Variants in ZNF407 observed in about 807,000 individuals in gnomAD.
ZNF407 encodes the protein zinc finger protein 407.
In ZNF407, 17 loss-of-function variants were observed where a neutral mutation model predicts 131.2. The ratio of observed to expected loss-of-function variants is 0.13; its 90% confidence interval spans 0.09 to 0.19. ZNF407 has a LOEUF of 0.19. Among genes scored for constraint, ZNF407 ranks in the 10% least tolerant of loss-of-function variants. ZNF407 has a pLI of 1.00. For synonymous variants in ZNF407, 1,156 were observed against 1,062.0 expected (o/e 1.09, Z -1.72); for missense variants, 2,681 against 2,830.6 (o/e 0.95, Z 1.20).
chr18:74,934,799 C>G (rs1354956842), intron 8 of ZNF407, among the ~76,000 whole-genome samples: 3 of 152,132 alleles, frequency 2.0e-5, no homozygotes, highest in Non-Finnish European at 4.4e-5. Context: ...GAGCGAGACT[C>G]GGTCTCAAAA....
chr18:74,944,186 G>C (rs1568278497), intron 8 of ZNF407, among the ~76,000 whole-genome samples: 1 of 152,056 alleles, frequency 6.6e-6, no homozygotes, highest in Non-Finnish European at 1.5e-5. Flanking sequence ...AAGCTTACTA[G>C]CTTTTATGTT....
chr18:74,613,291 G>T (rs1983144871), intron 1 of ZNF407, among the ~76,000 whole-genome samples: 1 of 151,690 alleles, frequency 6.6e-6, no homozygotes, highest in South Asian at 2.1e-4. Context: ...TATATTATGG[G>T]ACTTTTTCTT....
In ZNF407 at chr18:74,811,651, T is replaced by A. The variant is rs980916323; in HGVS notation, c.4877+30149T>A. 1.6e-4 allele frequency among the ~76,000 whole-genome samples: 25 copies of A among 151,614 alleles called. No homozygotes were observed. In the Middle Eastern group the frequency reaches 0.014, roughly 83 times the overall value. On this transcript the variant is annotated intron_variant, in intron 4 of 8. Coordinates refer to ENST00000299687, the MANE Select transcript of ZNF407 (RefSeq NM_017757.3). ...AATGTCCAACAATGATAGACTGGAT[T>A]AAGAAAATGTGGCACATATACACCA...
intron 7 of ZNF407, among the ~76,000 whole-genome samples, chr18:74,890,976 G>A (rs1002194028): frequency 2.0e-5 from 3 of 152,224 alleles, no homozygotes; most frequent in African/African-American, 4.8e-5. Context: ...ACTTGCATCC[G>A]CAGTGGCTGA....
chr18:74,999,359 A>C (rs1487427437), intron 8 of ZNF407, among the ~76,000 whole-genome samples: 5 of 145,120 alleles, frequency 3.4e-5, no homozygotes, highest in African/African-American at 1.1e-4. Context: ...AAAAAAAAAA[A>C]AAAAAAAAAA....
rs186614692 is a variant in ZNF407 at position 74,982,296 on chromosome 18, G to A, written c.5428+61604G>A. Among the ~76,000 whole-genome samples the A allele has an allele frequency of 2.2e-3, 332 of 152,212 alleles. 2 individuals are homozygous for A. The highest frequency in any genetic ancestry group is 0.014 in the South Asian group (66 of 4,826). On this transcript the variant is annotated intron_variant, in intron 8 of 8. Coordinates refer to ENST00000299687, the MANE Select transcript of ZNF407 (RefSeq NM_017757.3). ...TGAAGACAATCTAACCTTAAAGCCC[G>A]TTATTGAAAATACCTCCACTGGTAA...
chr18:74,693,129 G>T (rs1967268935), intron 3 of ZNF407, among the ~76,000 whole-genome samples: 1 of 152,154 alleles, frequency 6.6e-6, no homozygotes, highest in Admixed American at 6.6e-5. Flanking sequence ...TTGTGCAGTG[G>T]CTGCACTTTC....
rs1984403683 is a variant in ZNF407, at chr18:74,635,277, G to T, written c.4258G>T (p.Gly1420Cys). Residue 1420 changes from glycine to cysteine, a missense_variant, in exon 2 of 9, where the codon GGC becomes TGC. Physicochemically the swap from Gly to Cys is radical, Grantham distance 159. Coordinates refer to ENST00000299687, the MANE Select transcript of ZNF407 (RefSeq NM_017757.3). The surrounding 1 kb of genome is among the most constrained non-coding windows in gnomAD (Gnocchi z 4.7). Reference sequence around the variant, plus strand: ...TACACGAATTCGCTGTGATGATTGTGGCTTCTTAGCAGATGGACTGAGTGG... The same window carrying T: ...TACACGAATTCGCTGTGATGATTGTTGCTTCTTAGCAGATGGACTGAGTGG... Reference protein sequence around the residue: ...ESTRIRCDDCGFLADGLSGLN... With the variant: ...ESTRIRCDDCCFLADGLSGLN... 1 of 1,613,914 alleles carries T rather than the reference G, an allele frequency of 6.2e-7. No individual in the cohort carries two copies. The highest frequency in any genetic ancestry group is 8.5e-7 in the Non-Finnish European group (1 of 1,179,912).
Position 75,064,635 on chromosome 18 carries a change from G to A in ZNF407, c.*167G>A. ...GAGAGTCACACTGGCCACCAGCCAG[G>A]CGCCCACAGAGGGTACCGTGGGCTG... On this transcript the variant is annotated 3_prime_UTR_variant, in exon 9 of 9. Coordinates refer to ENST00000299687, the MANE Select transcript of ZNF407 (RefSeq NM_017757.3). 3.1e-6 allele frequency: 2 copies of A among 642,578 alleles called. No homozygotes were observed. The highest frequency in any genetic ancestry group is 7.4e-5 in the South Asian group (2 of 27,000). 39.8% of individuals were successfully genotyped at this position (642,578 alleles called of 1,614,324 possible).
chr18:74,821,196 G>A (rs1245730401), intron 4 of ZNF407, among the ~76,000 whole-genome samples: 3 of 151,674 alleles, frequency 2.0e-5, no homozygotes, highest in Non-Finnish European at 4.4e-5. Context: ...AGTTACTTTT[G>A]CACCAACCTA....
intron 3 of ZNF407, among the ~76,000 whole-genome samples, chr18:74,701,871 T>C (rs1222338938): frequency 2.0e-5 from 3 of 152,212 alleles, no homozygotes; most frequent in Non-Finnish European, 4.4e-5. Flanking sequence ...GAAATCGATT[T>C]CATAAGCCCT....
chr18:74,980,364 A>G lies in ZNF407; in HGVS notation c.5428+59672A>G, dbSNP rs139133125. Among the ~76,000 whole-genome samples, 1,265 of 151,322 alleles carry G rather than the reference A, an allele frequency of 8.4e-3. 11 individuals are homozygous for G. Among genetic ancestry groups the G allele is most frequent in the African/African-American group, 0.023 (950 of 40,958 alleles). On this transcript the variant is annotated intron_variant, in intron 8 of 8. Transcript: ENST00000299687. ...CTCTTGTGGCCCAGGCTGGAGTGCA[A>G]CGGCGTGACCTCAGCTCACTACATC...
chr18:74,774,043 TAAAC>T (rs1969416648), intron 3 of ZNF407, among the ~76,000 whole-genome samples: 1 of 152,288 alleles, frequency 6.6e-6, no homozygotes, highest in African/African-American at 2.4e-5. Context: ...TGATGTCAAA[TAAAC>T]ATAGTAGCCA....
At chr18:75,052,204 T>C (rs531102399) in intron 8 of ZNF407, among the ~76,000 whole-genome samples, 28 of 152,354 alleles carry the variant, frequency 1.8e-4, no homozygotes, top group Admixed American at 5.9e-4. Context: ...CATGGAAATG[T>C]TACATTTGAT....
chr18:74,612,300 G>A (rs1478353289), intron 1 of ZNF407, among the ~76,000 whole-genome samples: 1 of 152,000 alleles, frequency 6.6e-6, no homozygotes, highest in Non-Finnish European at 1.5e-5. Flanking sequence ...GAAGGTGATG[G>A]GAACACAGAG....
chr18:74,874,948 C>T (rs760891024), intron 4 of ZNF407, among the ~76,000 whole-genome samples: 18 of 152,226 alleles, frequency 1.2e-4, no homozygotes, highest in Admixed American at 3.9e-4. Context: ...AGGGTTCACC[C>T]GGCAAGATAG....
intron 7 of ZNF407, among the ~76,000 whole-genome samples, chr18:74,899,292 A>G (rs1971492687): frequency 6.6e-6 from 1 of 152,200 alleles, no homozygotes; most frequent in South Asian, 2.1e-4. Flanking sequence ...CACGCAGAAA[A>G]TCACCTTAAA....
chr18:75,030,789 C>T (rs941736160), intron 8 of ZNF407, among the ~76,000 whole-genome samples: 4 of 152,178 alleles, frequency 2.6e-5, no homozygotes, highest in Non-Finnish European at 5.9e-5. Flanking sequence ...CCCTGACTAA[C>T]GGGCCCCAGC....
At chr18:74,842,544 A>T (rs1392512824) in intron 4 of ZNF407, among the ~76,000 whole-genome samples, 1 of 151,804 alleles carries the variant, frequency 6.6e-6, no homozygotes, top group East Asian at 1.9e-4. Flanking sequence ...TTAGGTCATT[A>T]GTTTGTTTTT....
Sources: allele counts gnomAD v4.1 joint callset (sites outside exome capture counted in the v4.1 genomes callset), GRCh38; gene constraint gnomAD v4.1.1; non-coding constraint Gnocchi (gnomAD v3.1); transcripts MANE v1.5; gene names NCBI Gene and HGNC (gene_info 2026-07-23, HGNC 2026-07-21).